Variants in RBMS3 observed in about 807,000 individuals in gnomAD.
RBMS3 encodes RNA-binding motif, single-stranded-interacting protein 3.
A neutral mutation model predicts 66.8 loss-of-function variants in RBMS3; 27 were observed. The observed-to-expected ratio is 0.40, with a 90% CI of 0.30 to 0.56. RBMS3 has a LOEUF of 0.56. Ranked by LOEUF, RBMS3 falls within the 20% of genes least tolerant of loss-of-function variation. The pLI is 0.40. For synonymous variants in RBMS3, 188 were observed against 183.0 expected (o/e 1.03, Z -0.22); for missense variants, 513 against 549.5 (o/e 0.93, Z 0.66).
chr3:29,384,435 T>TAATAATAATAATAATAAG lies in RBMS3; in HGVS notation c.76-50306_76-50305insTAATAATAATAATAAGAA, dbSNP rs776357215. ...TATACACCAATAATAATAATAATAA[T>TAATAATAATAATAATAAG]AAGAAGAAGAAGAAGAAGAAGAAGA... On this transcript the variant is annotated intron_variant, in intron 1 of 14. Transcript: ENST00000383767. Among the ~76,000 whole-genome samples the TAATAATAATAATAATAAG allele has an allele frequency of 9.9e-3, 1,403 of 141,062 alleles. 12 individuals carry two copies. Among genetic ancestry groups the TAATAATAATAATAATAAG allele is most frequent in the Non-Finnish European group, 0.014 (927 of 65,482 alleles). 92.5% of individuals were successfully genotyped at this position (141,062 alleles called of 152,430 possible).
At chr3:29,556,284 G>C (rs1576216234) in intron 3 of RBMS3, 1 of 152,278 alleles carries the variant, frequency 6.6e-6, no homozygotes, top group East Asian at 1.9e-4. Context: ...TGTCTCTGGA[G>C]GAGCTAAGTA....
intron 3 of RBMS3, among the ~76,000 whole-genome samples, chr3:29,528,933 G>A (rs918720002): frequency 2.6e-5 from 4 of 151,646 alleles, no homozygotes; most frequent in Non-Finnish European, 4.4e-5. Context: ...TAGTAGAGAT[G>A]GGGTTTCACC....
At chr3:29,413,475 G>A (rs1401986911) in intron 1 of RBMS3, among the ~76,000 whole-genome samples, 1 of 151,982 alleles carries the variant, frequency 6.6e-6, no homozygotes, top group Admixed American at 6.6e-5. Context: ...ATTTTGTTAG[G>A]AATACCAGAT....
chr3:29,701,597 T>C (rs58877827), intron 4 of RBMS3, among the ~76,000 whole-genome samples: 18,884 of 147,574 alleles, frequency 0.13, 2,500 homozygotes, highest in African/African-American at 0.34. Context: ...AGGTGGGAAC[T>C]GGGGCTGCGC....
intron 7 of RBMS3, among the ~76,000 whole-genome samples, chr3:29,875,408 C>T (rs967581157): frequency 6.6e-6 from 1 of 152,068 alleles, no homozygotes; most frequent in African/African-American, 2.4e-5. Flanking sequence ...TGGGGTTTAA[C>T]AGTATAGGTA....
intron 4 of RBMS3, among the ~76,000 whole-genome samples, chr3:29,659,429 T>C (rs964620940): frequency 6.6e-6 from 1 of 152,164 alleles, no homozygotes; most frequent in East Asian, 1.9e-4. Context: ...TTCTATTTTC[T>C]GTCTCTGTGA....
intron 11 of RBMS3, among the ~76,000 whole-genome samples, chr3:29,941,771 G>A (rs1222445831): frequency 2.6e-5 from 4 of 151,616 alleles, no homozygotes; most frequent in South Asian, 2.1e-4. Context: ...AGAATGCCAA[G>A]GAACATGTAC....
chr3:29,998,402 T>C (rs968301564), intron 14 of RBMS3, among the ~76,000 whole-genome samples: 4 of 151,172 alleles, frequency 2.6e-5, no homozygotes, highest in African/African-American at 9.9e-5. Flanking sequence ...CTTCACAGAA[T>C]TGGAAAAAAC....
intron 5 of RBMS3, among the ~76,000 whole-genome samples, chr3:29,758,035 A>G (rs1465031291): frequency 6.6e-6 from 1 of 152,198 alleles, no homozygotes; most frequent in African/African-American, 2.4e-5. Flanking sequence ...TGAGTTTGTC[A>G]GCTGTTTTTC....
At chr3:29,819,220 C>T (rs1366531959) in intron 6 of RBMS3, among the ~76,000 whole-genome samples, 2 of 152,104 alleles carry the variant, frequency 1.3e-5, no homozygotes, top group East Asian at 1.9e-4. Context: ...TATCCATAGC[C>T]GTGTATTACA....
chr3:29,996,461 A>G (rs1699249980), intron 14 of RBMS3, among the ~76,000 whole-genome samples: 1 of 150,222 alleles, frequency 6.7e-6, no homozygotes, highest in African/African-American at 2.5e-5. Flanking sequence ...TCAACAGAAT[A>G]TACATTTTTT....
chr3:29,556,017 A>G (rs1252779325), intron 3 of RBMS3, among the ~76,000 whole-genome samples: 1 of 152,232 alleles, frequency 6.6e-6, no homozygotes, highest in Non-Finnish European at 1.5e-5. Flanking sequence ...TTGGGAAAAC[A>G]TGTTTTAATT....
intron 12 of RBMS3, among the ~76,000 whole-genome samples, chr3:29,983,033 T>G (rs1425887473): frequency 3.9e-5 from 6 of 152,160 alleles, no homozygotes; most frequent in Non-Finnish European, 8.8e-5. Context: ...TATTATGGTG[T>G]GGGAGTCTAA....
chr3:29,780,660 T>G (rs187738902), intron 6 of RBMS3, among the ~76,000 whole-genome samples: 380 of 152,262 alleles, frequency 2.5e-3, no homozygotes, highest in African/African-American at 8.3e-3. Context: ...CACTTAAAAA[T>G]TAATCTATTC....
intron 6 of RBMS3, among the ~76,000 whole-genome samples, chr3:29,806,023 G>A (rs1559690901): frequency 1.3e-5 from 2 of 151,904 alleles, no homozygotes; most frequent in African/African-American, 2.4e-5. Context: ...TTGCTGTACT[G>A]TTTTGTGTTT....
In RBMS3 at chr3:30,008,097, TTATTTAAA is replaced by T. The variant is rs1577373175; in HGVS notation, c.*4238_*4245del. The T allele has an allele frequency of 6.6e-6, 1 of 151,976 alleles. No homozygotes were observed. The highest frequency in any genetic ancestry group is 2.4e-5 in the African/African-American group (1 of 41,362). 9.4% of individuals were successfully genotyped at this position (151,976 alleles called of 1,614,324 possible). On this transcript the variant is annotated 3_prime_UTR_variant, in exon 15 of 15. Transcript: ENST00000383767. ...ATTTTTTTTTCCCAAAAAAACCTCT[TTATTTAAA>T]TAATTGGGATATTTGCTAAATACCT...
intron 4 of RBMS3, among the ~76,000 whole-genome samples, chr3:29,722,330 A>G (rs1322129057): frequency 6.6e-6 from 1 of 152,078 alleles, no homozygotes; most frequent in Non-Finnish European, 1.5e-5. Flanking sequence ...TAATATATAC[A>G]TATTATTATT....
At chr3:29,981,981 A>T (rs1256678453) in intron 12 of RBMS3, among the ~76,000 whole-genome samples, 3 of 152,146 alleles carry the variant, frequency 2.0e-5, no homozygotes, top group Admixed American at 6.5e-5. Context: ...ATTGTTTGGA[A>T]TAGTTTCAGA....
At chr3:29,665,927 C>T (rs1303034970) in intron 4 of RBMS3, among the ~76,000 whole-genome samples, 4 of 152,124 alleles carry the variant, frequency 2.6e-5, no homozygotes, top group Non-Finnish European at 4.4e-5. Flanking sequence ...CTTACAATGA[C>T]TCCTCATCTC....
Sources: allele counts gnomAD v4.1 joint callset (sites outside exome capture counted in the v4.1 genomes callset), GRCh38; gene constraint gnomAD v4.1.1; transcripts MANE v1.5; gene names NCBI Gene and HGNC (gene_info 2026-07-23, HGNC 2026-07-21).